The following PHACTR2 variants were observed in gnomAD, a reference collection of about 807,000 sequenced individuals.
The protein encoded by PHACTR2 is phosphatase and actin regulator 2.
In PHACTR2, 30 loss-of-function variants were observed where a neutral mutation model predicts 76.0. The observed-to-expected ratio is 0.39, with a 90% confidence interval of 0.30 to 0.54. The LOEUF is 0.54. Among genes scored for constraint, PHACTR2 ranks in the 20% least tolerant of loss-of-function variants. PHACTR2 has a pLI of 0.61. For synonymous variants in PHACTR2, 292 were observed against 292.5 expected (o/e 1.00, Z 0.02); for missense variants, 696 against 781.1 (o/e 0.89, Z 1.30).
At chr6:143,666,771 A>T (rs942089378) in intron 1 of PHACTR2, among the ~76,000 whole-genome samples, 1 of 152,106 alleles carries the variant, frequency 6.6e-6, no homozygotes, top group Admixed American at 6.6e-5. Flanking sequence ...TAGATTCTGG[A>T]TGTTAGCCCT....
intron 2 of PHACTR2, among the ~76,000 whole-genome samples, chr6:143,716,216 G>C (rs1013085509): frequency 6.6e-6 from 1 of 152,196 alleles, no homozygotes; most frequent in Non-Finnish European, 1.5e-5. Context: ...CCAACAGGTA[G>C]GGTAAATCTC....
rs1187114574 is a variant in PHACTR2 at position 143,696,639 on chromosome 6, G to A, written c.47-15377G>A. On this transcript the variant is annotated intron_variant, in intron 1 of 12. Coordinates refer to ENST00000440869, the MANE Select transcript of PHACTR2 (RefSeq NM_001100164.2). This position sits in a 1 kb window ranked among gnomAD's most constrained non-coding sequence, Gnocchi z 4.1. ...CATTCAGATCTTTCTGGCACTGGAA[G>A]CCCATGTTTTTCCTTTGCAGTACTC... is the stretch of plus-strand genomic sequence containing the variant. 6.6e-6 allele frequency among the ~76,000 whole-genome samples: 1 copy of A among 152,176 alleles called. No individual in the cohort carries two copies. The highest frequency in any genetic ancestry group is 1.5e-5 in the Non-Finnish European group (1 of 68,018).
Position 143,722,323 on chromosome 6 carries a change from G to GT in PHACTR2, c.214+10149dup, listed in dbSNP as rs140685874. Among the ~76,000 whole-genome samples the GT allele has an allele frequency of 0.014, 2,159 of 150,552 alleles. 35 individuals carry two copies. Among genetic ancestry groups the GT allele is most frequent in the East Asian group, 0.1 (521 of 5,120 alleles). On this transcript the variant is annotated intron_variant, in intron 2 of 12. Coordinates refer to ENST00000440869, the MANE Select transcript of PHACTR2 (RefSeq NM_001100164.2). This position sits in a 1 kb window ranked among gnomAD's most constrained non-coding sequence, Gnocchi z 4.1. ...AAAGCACTAGAAGTCTCTGGCATTG[G>GT]TTTTTTTTTCTATTCTGGCCACTGT...
Position 143,829,502 on chromosome 6 carries a change from T to C in PHACTR2, c.*5813T>C, listed in dbSNP as rs546654837. The C allele has an allele frequency of 6.6e-5, 10 of 152,304 alleles. No individual in the cohort carries two copies. Among genetic ancestry groups the C allele is most frequent in the African/African-American group, 2.4e-4 (10 of 41,574 alleles). The allele number at this position is 152,304 out of a possible 1,614,324, so 9.4% of individuals were successfully genotyped here. A position where few individuals can be genotyped will look rare whatever the true frequency, so the allele number is the denominator to read the frequency against. ...CAACTTTTCTAATAAGATTTGTGAA[T>C]GCTGCATCATGATGAAAATGTGGAT... is the stretch of plus-strand genomic sequence containing the variant. On this transcript the variant is annotated 3_prime_UTR_variant, in exon 13 of 13. Transcript: ENST00000440869.
At position 143,819,830 on chromosome 6, in the gene PHACTR2, T is replaced by C. The variant is rs1425220708; in HGVS notation, c.1923-3844T>C. 6.6e-6 allele frequency among the ~76,000 whole-genome samples: 1 copy of C among 152,094 alleles called. No homozygotes were observed. Among genetic ancestry groups the C allele is most frequent in the Non-Finnish European group, 1.5e-5 (1 of 68,002 alleles). On this transcript the variant is annotated intron_variant, in intron 12 of 12. Coordinates refer to ENST00000440869, the MANE Select transcript of PHACTR2 (RefSeq NM_001100164.2). The surrounding 1 kb of genome is among the most constrained non-coding windows in gnomAD (Gnocchi z 5.0). ...AGTCCCTGAAAACACCCTCACAGACTGTATTAGGCCATTCTTGACTGCTAT... is the reference window on the plus strand; with the variant it reads ...AGTCCCTGAAAACACCCTCACAGACCGTATTAGGCCATTCTTGACTGCTAT...
Position 143,641,531 on chromosome 6 carries a change from AGTTTCGC to A in PHACTR2, c.13+33210_13+33216del, listed in dbSNP as rs1776561000. Among the ~76,000 whole-genome samples, 1 of 152,072 alleles carries A rather than the reference AGTTTCGC, an allele frequency of 6.6e-6. No homozygotes were observed. The highest frequency in any genetic ancestry group is 1.5e-5 in the Non-Finnish European group (1 of 68,016). ...TTTGTTGTTGTTGTTTTTGAGACAGAGTTTCGCTCTTGTTACCCAGGCTGGAGTACAA... is the reference window on the plus strand; with the variant it reads ...TTTGTTGTTGTTGTTTTTGAGACAGATCTTGTTACCCAGGCTGGAGTACAA... On this transcript the variant is annotated intron_variant, in intron 1 of 11. Coordinates refer to the PHACTR2 transcript ENST00000305766. This position sits in a 1 kb window ranked among gnomAD's most constrained non-coding sequence, Gnocchi z 5.8.
Position 143,618,289 on chromosome 6 carries a change from A to ACG in PHACTR2, c.13+9968_13+9969insGC, listed in dbSNP as rs1457431314. On this transcript the variant is annotated intron_variant, in intron 1 of 11. Coordinates refer to the PHACTR2 transcript ENST00000305766. The surrounding 1 kb of genome is among the most constrained non-coding windows in gnomAD (Gnocchi z 5.2). ...CACACACACACACACACACACACGC[A>ACG]CACTCCAGAATGAGTTTCAGATCAT... Among the ~76,000 whole-genome samples, 35 of 142,996 alleles carry ACG rather than the reference A, an allele frequency of 2.4e-4. No homozygotes were observed. The highest frequency in any genetic ancestry group is 1.3e-3 in the Admixed American group (19 of 14,372). The allele number at this position is 142,996 out of a possible 152,430, so 93.8% of individuals were successfully genotyped here. A position where few individuals can be genotyped will look rare whatever the true frequency, so the allele number is the denominator to read the frequency against.
At position 143,765,265 on chromosome 6, in the gene PHACTR2, C is replaced by A; in HGVS notation, c.699C>A (p.Gly233=). ...ASRNTTREAA[G]SSHSKKTTGS... ...TGCAAGGTCTCTCTATTGTAGCTGG[C>A]TCCTCTCATTCAAAAAAAACAACTG... Residue 233 remains glycine, a synonymous_variant, in exon 6 of 13, where the codon GGC becomes GGA. Coordinates refer to ENST00000440869, the MANE Select transcript of PHACTR2 (RefSeq NM_001100164.2). The surrounding 1 kb of genome is among the most constrained non-coding windows in gnomAD (Gnocchi z 4.1). The A allele has an allele frequency of 6.2e-7, 1 of 1,610,366 alleles. No homozygotes were observed.
rs1357428347 is a variant in PHACTR2, at chr6:143,556,693, A to C, written c.217+19486A>C. The stretch of plus-strand genomic sequence containing the variant: ...CTATCAGATTTGAACCTCTCAGCTC[A>C]CAGGGTGCTAACTAGAGGAGAAGGA... On this transcript the variant is annotated intron_variant, in intron 1 of 11. Transcript: ENST00000367584. This position sits in a 1 kb window ranked among gnomAD's most constrained non-coding sequence, Gnocchi z 4.3. 6.6e-6 allele frequency among the ~76,000 whole-genome samples: 1 copy of C among 152,174 alleles called. No homozygotes were observed.
At chr6:143,605,056 C>G (rs1232809561), upstream of PHACTR2, among the ~76,000 whole-genome samples, 1 of 151,364 alleles carries the variant, frequency 6.6e-6, no homozygotes, top group African/African-American at 2.4e-5. This position sits in a 1 kb window ranked among gnomAD's most constrained non-coding sequence, Gnocchi z 5.0. Flanking sequence ...CCCACAGCAG[C>G]CTTGCTGTTG....
chr6:143,783,187 T>A lies in PHACTR2; in HGVS notation c.1646-32T>A, dbSNP rs369345150. 1.2e-4 allele frequency: 172 copies of A among 1,382,778 alleles called. 1 individual carries two copies. The highest frequency in any genetic ancestry group is 2.1e-5 in the Non-Finnish European group (20 of 972,482). 85.7% of individuals were successfully genotyped at this position (1,382,778 alleles called of 1,614,324 possible). On this transcript the variant is annotated intron_variant, in intron 9 of 12. Coordinates refer to ENST00000440869, the MANE Select transcript of PHACTR2 (RefSeq NM_001100164.2). This position sits in a 1 kb window ranked among gnomAD's most constrained non-coding sequence, Gnocchi z 5.2. ...TGAATATGAAATCATCTATAGTAAC[T>A]GTCATCACGACTTTCCTCCTTTAAT...
chr6:143,549,372 G>T lies in PHACTR2; in HGVS notation c.217+12165G>T, dbSNP rs1775057607. Among the ~76,000 whole-genome samples, 1 of 152,062 alleles carries T rather than the reference G, an allele frequency of 6.6e-6. No homozygotes were observed. The highest frequency in any genetic ancestry group is 2.1e-4 in the South Asian group (1 of 4,824). On this transcript the variant is annotated intron_variant, in intron 1 of 11. Coordinates refer to the PHACTR2 transcript ENST00000367584. The surrounding 1 kb of genome is among the most constrained non-coding windows in gnomAD (Gnocchi z 4.2). ...CGGGGTGCGGGATGGCATTCCTTTG[G>T]CTTAATCTGATGAAACATTTCTCAG...
Position 143,683,626 on chromosome 6 carries a change from T to C in PHACTR2, c.46+5417T>C, listed in dbSNP as rs544645974. Among the ~76,000 whole-genome samples, 3 of 152,332 alleles carry C rather than the reference T, an allele frequency of 2.0e-5. No homozygotes were observed. Among genetic ancestry groups the C allele is most frequent in the African/African-American group, 7.2e-5 (3 of 41,572 alleles). ...CCTGTATTCATCTGTGTCTCTGGGTTTCCAAGTTTTGTTCAGGGCCCTGTA... is the reference window on the plus strand; with the variant it reads ...CCTGTATTCATCTGTGTCTCTGGGTCTCCAAGTTTTGTTCAGGGCCCTGTA... On this transcript the variant is annotated intron_variant, in intron 1 of 12. Coordinates refer to ENST00000440869, the MANE Select transcript of PHACTR2 (RefSeq NM_001100164.2). The surrounding 1 kb of genome is among the most constrained non-coding windows in gnomAD (Gnocchi z 4.1).
intron 1 of PHACTR2, among the ~76,000 whole-genome samples, chr6:143,566,503 T>C (rs1313168111): frequency 6.6e-6 from 1 of 151,908 alleles, no homozygotes; most frequent in Non-Finnish European, 1.5e-5. Context: ...GGGGTCTTAC[T>C]GTGTTGCCCA....
intron 1 of PHACTR2, among the ~76,000 whole-genome samples, chr6:143,551,561 C>T (rs947211924): frequency 2.0e-5 from 3 of 152,092 alleles, no homozygotes; most frequent in East Asian, 1.9e-4. Flanking sequence ...TCTCAACACC[C>T]GGACCAGGGC....
rs1457328367 is a variant in PHACTR2, at chr6:143,698,510, T to A, written c.47-13506T>A. 6.6e-6 allele frequency among the ~76,000 whole-genome samples: 1 copy of A among 152,230 alleles called. No homozygotes were observed. Among genetic ancestry groups the A allele is most frequent in the African/African-American group, 2.4e-5 (1 of 41,458 alleles). ...TAGGATATTTCTACCTTTTAGGCAA[T>A]GCTATGAAACTAGACTAAACCTCTG... is the stretch of plus-strand genomic sequence containing the variant. On this transcript the variant is annotated intron_variant, in intron 1 of 12. Transcript: ENST00000440869. This position sits in a 1 kb window ranked among gnomAD's most constrained non-coding sequence, Gnocchi z 4.3.
chr6:143,537,755 G>A lies in PHACTR2; in HGVS notation c.217+548G>A, dbSNP rs1260755304. ...TTGCAAAAACCCATGAGGTTAATGG[G>A]GGAGAGCAGGGGAGAGTTTGGCGGG... is the stretch of plus-strand genomic sequence containing the variant. On this transcript the variant is annotated intron_variant, in intron 1 of 11. Coordinates refer to the PHACTR2 transcript ENST00000367584. This position sits in a 1 kb window ranked among gnomAD's most constrained non-coding sequence, Gnocchi z 4.4. Among the ~76,000 whole-genome samples, 1 of 152,154 alleles carries A rather than the reference G, an allele frequency of 6.6e-6. No individual in the cohort carries two copies. Among genetic ancestry groups the A allele is most frequent in the Non-Finnish European group, 1.5e-5 (1 of 68,034 alleles).
chr6:143,575,505 C>T (rs1400447039), intron 1 of PHACTR2, among the ~76,000 whole-genome samples: 1 of 152,098 alleles, frequency 6.6e-6, no homozygotes, highest in African/African-American at 2.4e-5. Context: ...GGAGAAAAAG[C>T]GCTCCCTAGC....
Position 143,564,119 on chromosome 6 carries a change from GT to G in PHACTR2, c.217+26915del, listed in dbSNP as rs1484932488. On this transcript the variant is annotated intron_variant, in intron 1 of 11. Transcript: ENST00000367584. ...AAATGCTTTAGAAAATTGTTAAACT[GT>G]TTACTTTTTTAAGTTTTTAGTCTGT... 8.8e-5 allele frequency among the ~76,000 whole-genome samples: 13 copies of G among 147,352 alleles called. No homozygotes were observed. The East Asian group carries it at 2.4e-3, about 27-fold the overall frequency.
Sources: allele counts gnomAD v4.1 joint callset (sites outside exome capture counted in the v4.1 genomes callset), GRCh38; gene constraint gnomAD v4.1.1; non-coding constraint Gnocchi (gnomAD v3.1); transcripts MANE v1.5; gene names NCBI Gene and HGNC (gene_info 2026-07-23, HGNC 2026-07-21).